The following ELMO2 variants were observed in gnomAD, a reference collection of about 807,000 sequenced individuals.
The protein encoded by ELMO2 is engulfment and cell motility 2.
A neutral mutation model predicts 96.2 loss-of-function variants in ELMO2; 37 were observed. The observed-to-expected ratio is 0.38, with a 90% CI of 0.30 to 0.51. The LOEUF (loss-of-function observed/expected upper bound fraction) is 0.51. Ranked by LOEUF, ELMO2 falls within the 20% of genes least tolerant of loss-of-function variation. The probability of loss-of-function intolerance (pLI) is 0.88; values close to 1 mark genes in which losing one functional copy is unlikely to be tolerated. For missense variants in ELMO2, 561 were observed against 912.6 expected (o/e 0.61, Z 4.96); for synonymous variants, 315 against 329.4 (o/e 0.96, Z 0.47).
chr20:46,377,521 G>A (rs1908487635), intron 11 of ELMO2, among the ~76,000 whole-genome samples: 1 of 152,182 alleles, frequency 6.6e-6, no homozygotes, highest in South Asian at 2.1e-4. Context: ...GCAGCCATGA[G>A]CCACATACGG....
chr20:46,392,903 T>C (rs1410757474), intron 6 of ELMO2, among the ~76,000 whole-genome samples, 190 bp downstream of exon 6: 1 of 152,220 alleles, frequency 6.6e-6, no homozygotes, highest in African/African-American at 2.4e-5. Context: ...AGGCCTTCTA[T>C]TGCATTTGTT....
chr20:46,393,524 C>T lies in ELMO2; in HGVS notation c.192+5G>A. 1.2e-6 allele frequency: 2 copies of T among 1,614,138 alleles called. No homozygotes were observed. Among genetic ancestry groups the T allele is most frequent in the Non-Finnish European group, 1.7e-6 (2 of 1,180,002 alleles). Reference sequence around the variant, plus strand: ...CATATTGATTTTGCCTCTCCCTGTACTAACCTGTTCGGTGATGTACAGCTG... The same window carrying T: ...CATATTGATTTTGCCTCTCCCTGTATTAACCTGTTCGGTGATGTACAGCTG... On this transcript the variant is annotated splice_donor_5th_base_variant and intron_variant, in intron 5 of 21. Coordinates refer to ENST00000290246, the MANE Select transcript of ELMO2 (RefSeq NM_133171.5).
chr20:46,393,706 T>A, intron 4 of ELMO2, 105 bp from the exon 5 acceptor site: 1 of 1,205,674 alleles, frequency 8.3e-7, no homozygotes, highest in Non-Finnish European at 1.2e-6. Context: ...GTGGCCTATT[T>A]GGAATACAGT....
chr20:46,398,335 G>T (rs910271968), intron 2 of ELMO2, among the ~76,000 whole-genome samples: 2 of 151,796 alleles, frequency 1.3e-5, no homozygotes, highest in Non-Finnish European at 2.9e-5. Context: ...TTTAAAAGAT[G>T]GAGTCTTGCT....
In ELMO2 at chr20:46,375,433, C is replaced by A; in HGVS notation, c.931-63G>T. On this transcript the variant is annotated intron_variant, in intron 12 of 21. Coordinates refer to ENST00000290246, the MANE Select transcript of ELMO2 (RefSeq NM_133171.5). This position sits in a 1 kb window ranked among gnomAD's most constrained non-coding sequence, Gnocchi z 4.6. ...TAACCAAGGGAGCAAGGAAAAGAAA[C>A]AGTGGGTCAGGCTTTTCTGGGCCAA... The A allele has an allele frequency of 6.3e-7, 1 of 1,591,696 alleles. No homozygotes were observed.
chr20:46,404,259 T>C (rs983951704), intron 1 of ELMO2, among the ~76,000 whole-genome samples: 13 of 152,190 alleles, frequency 8.5e-5, no homozygotes, highest in African/African-American at 2.9e-4. Context: ...TTTCTTCAAC[T>C]GCATCAAATA....
At chr20:46,394,798 C>G (rs1600880020) in intron 2 of ELMO2, among the ~76,000 whole-genome samples, 1 of 152,338 alleles carries the variant, frequency 6.6e-6, no homozygotes, top group East Asian at 1.9e-4. Flanking sequence ...GTTTAAGAGT[C>G]AAGAAGACTC....
intron 1 of ELMO2, among the ~76,000 whole-genome samples, chr20:46,401,065 T>C (rs1322613783): frequency 2.0e-5 from 3 of 152,192 alleles, no homozygotes; most frequent in Non-Finnish European, 4.4e-5. Context: ...TATTTGGCTT[T>C]TGATTTGGTG....
intron 21 of ELMO2, among the ~76,000 whole-genome samples, chr20:46,367,853 C>T (rs1408581848): frequency 6.6e-6 from 1 of 152,142 alleles, no homozygotes; most frequent in African/African-American, 2.4e-5. Context: ...GGGGCATCAT[C>T]TACCTGAAGT....
intron 1 of ELMO2, among the ~76,000 whole-genome samples, chr20:46,406,281 C>CCTGG (rs1205848705): frequency 6.6e-6 from 1 of 152,078 alleles, no homozygotes; most frequent in Non-Finnish European, 1.5e-5. Context: ...TGCCTGACTG[C>CCTGG]CTGGCCCGCC....
chr20:46,374,064 C>CCAGAGG (rs1315513127), intron 15 of ELMO2, among the ~76,000 whole-genome samples: 6 of 148,218 alleles, frequency 4.0e-5, no homozygotes, highest in African/African-American at 1.5e-4. Flanking sequence ...GTAGTTGGGA[C>CCAGAGG]CAGAGGCATG....
Position 46,406,588 on chromosome 20 carries a change from C to G in ELMO2, c.-166G>C, listed in dbSNP as rs940041092. The G allele has an allele frequency of 3.9e-5, 6 of 152,948 alleles. No homozygotes were observed. In the East Asian group the frequency reaches 7.7e-4, roughly 20 times the overall value. 9.5% of individuals were successfully genotyped at this position (152,948 alleles called of 1,614,324 possible). On this transcript the variant is annotated 5_prime_UTR_variant, in exon 1 of 22. Transcript: ENST00000290246. ...GGCCCAGCTCCTGCTCCCGGGTCTC[C>G]GCTCGGCGGCTCCTCCAGCCTCCGC...
chr20:46,404,774 G>A (rs534286535), intron 1 of ELMO2, among the ~76,000 whole-genome samples: 149 of 152,116 alleles, frequency 9.8e-4, no homozygotes, highest in Middle Eastern at 6.8e-3. Context: ...TTTTAATATT[G>A]ATTATGTTAT....
chr20:46,368,846 T>TTA, intron 21 of ELMO2, 45 bp downstream of exon 21: 1 of 1,604,026 alleles, frequency 6.2e-7, no homozygotes, highest in Non-Finnish European at 8.5e-7. Context: ...AACTGAAGAG[T>TTA]TACAGAAATA....
chr20:46,383,465 A>ATT lies in ELMO2; in HGVS notation c.706_707insAA (p.Ile236LysfsTer4). On this transcript the variant is annotated frameshift_variant, in exon 10 of 22. Transcript: ENST00000290246. LOFTEE classifies it high-confidence loss of function. Reference sequence around the variant, plus strand: ...CAGAAAAAGTGCATTAATCAGTGCAATGGCGTAGGTCTGAATCTCCTGGTT... The same window carrying ATT: ...CAGAAAAAGTGCATTAATCAGTGCAATTTGGCGTAGGTCTGAATCTCCTGGTT... 1.2e-6 allele frequency: 2 copies of ATT among 1,614,214 alleles called. No individual in the cohort carries two copies. Among genetic ancestry groups the ATT allele is most frequent in the Non-Finnish European group, 1.7e-6 (2 of 1,180,010 alleles).
At chr20:46,399,953 AG>A (rs2060308498) in intron 1 of ELMO2, among the ~76,000 whole-genome samples, 1 of 152,204 alleles carries the variant, frequency 6.6e-6, no homozygotes, top group Non-Finnish European at 1.5e-5. Context: ...ACTTCAGGCC[AG>A]GAGTTCGAGA....
Position 46,373,421 on chromosome 20 carries a change from G to A in ELMO2, c.1394C>T (p.Ala465Val). The A allele has an allele frequency of 6.2e-7, 1 of 1,614,200 alleles. No homozygotes were observed. The highest frequency in any genetic ancestry group is 8.5e-7 in the Non-Finnish European group (1 of 1,180,040). Residue 465 changes from alanine to valine, a missense_variant, in exon 16 of 22, where the codon GCA becomes GTA. Ala to Val is a moderately conservative substitution (Grantham distance 64). Coordinates refer to ENST00000290246, the MANE Select transcript of ELMO2 (RefSeq NM_133171.5). ...GACCTTGTTGAAGTCCTCTGCTGTT[G>A]CCCTCATCTCCTTCCAGGTCTTGTT... ...LLNKTWKEMRATAEDFNKVMQ... is the reference protein window; with the variant it reads ...LLNKTWKEMRVTAEDFNKVMQ...
At chr20:46,383,620 A>C (rs2059994097) in intron 9 of ELMO2, 126 bp from the exon 10 acceptor site, 1 of 915,962 alleles carries the variant, frequency 1.1e-6, no homozygotes, top group Non-Finnish European at 1.7e-6. Context: ...TCAGTCTCAA[A>C]AGCATTCAAA....
chr20:46,385,871 G>A (rs1288549644), intron 9 of ELMO2, among the ~76,000 whole-genome samples: 1 of 152,160 alleles, frequency 6.6e-6, no homozygotes, highest in Non-Finnish European at 1.5e-5. Flanking sequence ...ACCCTGGTAT[G>A]GGAAGACTGG....
Sources: allele counts gnomAD v4.1 joint callset (sites outside exome capture counted in the v4.1 genomes callset), GRCh38; gene constraint gnomAD v4.1.1; non-coding constraint Gnocchi (gnomAD v3.1); transcripts MANE v1.5; gene names NCBI Gene and HGNC (gene_info 2026-07-23, HGNC 2026-07-21).